TNKS: variants seen among roughly 807,000 people sequenced by gnomAD.
TNKS encodes poly [ADP-ribose] polymerase tankyrase-1.
TNKS carries 72 observed loss-of-function variants against 135.8 expected under a neutral mutation model. The ratio of observed to expected loss-of-function variants is 0.53; its 90% confidence interval spans 0.44 to 0.64. TNKS has a LOEUF of 0.64. Among genes scored for constraint, TNKS ranks in the 30% least tolerant of loss-of-function variants. The probability of loss-of-function intolerance (pLI) is 0.00; values close to 1 mark genes in which losing one functional copy is unlikely to be tolerated. For synonymous variants in TNKS, 849 were observed against 649.3 expected, an observed-to-expected ratio of 1.31 and a Z score of -4.68; for missense variants, 1,769 against 1,674.0, an observed-to-expected ratio of 1.06 and a Z score of -0.99.
At chr8:9,621,106 C>G (rs1393459540) in intron 3 of TNKS, among the ~76,000 whole-genome samples, 1 of 152,122 alleles carries the variant, frequency 6.6e-6, no homozygotes, top group Admixed American at 6.5e-5. Context: ...TTTTGAATTG[C>G]ATATAGTCCT....
At chr8:9,678,593 G>C (rs1471024371) in intron 3 of TNKS, among the ~76,000 whole-genome samples, 1 of 152,098 alleles carries the variant, frequency 6.6e-6, no homozygotes, top group African/African-American at 2.4e-5. Flanking sequence ...ATAGTTTTCA[G>C]ATTTTAACCT....
intron 12 of TNKS, among the ~76,000 whole-genome samples, chr8:9,723,972 A>C: frequency 6.6e-6 from 1 of 152,346 alleles, no homozygotes; most frequent in South Asian, 2.1e-4. Context: ...GAAATAAGCC[A>C]TTAAGACCTG....
intron 5 of TNKS, among the ~76,000 whole-genome samples, chr8:9,691,881 A>G (rs1307810530): frequency 2.0e-5 from 3 of 152,188 alleles, no homozygotes; most frequent in Non-Finnish European, 4.4e-5. Context: ...GTACAGATTG[A>G]AGATCTTTTA....
Position 9,710,184 on chromosome 8 carries a change from T to G in TNKS, c.1713T>G (p.Asn571Lys). The G allele has an allele frequency of 6.2e-7, 1 of 1,614,254 alleles. No individual in the cohort carries two copies. The highest frequency in any genetic ancestry group is 8.5e-7 in the Non-Finnish European group (1 of 1,180,040). Residue 571 changes from asparagine (N) to lysine (K), a missense_variant, in exon 11 of 27, where the codon AAT becomes AAG. Coordinates refer to ENST00000310430, the MANE Select transcript of TNKS (RefSeq NM_003747.3). ...PLHVAAERAH[N>K]DVMEVLHKHG... ...ATGTTGCAGCCGAAAGAGCCCATAA[T>G]GATGTCATGGAAGTTCTGCATAAGC...
At chr8:9,721,879 C>T (rs1214858818) in intron 12 of TNKS, among the ~76,000 whole-genome samples, 1 of 151,838 alleles carries the variant, frequency 6.6e-6, no homozygotes, top group Non-Finnish European at 1.5e-5. Flanking sequence ...TGGTGAAACC[C>T]CCATCTCTAC....
intron 5 of TNKS, among the ~76,000 whole-genome samples, chr8:9,695,534 T>G (rs2128803504): frequency 1.3e-5 from 2 of 152,218 alleles, no homozygotes; most frequent in Admixed American, 1.3e-4. Context: ...TTTAAACACT[T>G]CAGTTTCTTC....
At position 9,558,361 on chromosome 8, in the gene TNKS, G is replaced by A. The variant is rs1469430236; in HGVS notation, c.673+1749G>A. On this transcript the variant is annotated intron_variant, in intron 1 of 26. Transcript: ENST00000310430. ...GAAACAGACTTTTGCCTATTTGTTT[G>A]CTCAAGGGTCTTGCTTGTTTTAGAT... 2.0e-5 allele frequency: 3 copies of A among 152,098 alleles called. No homozygotes were observed. The East Asian group carries it at 5.8e-4, about 29-fold the overall frequency. 9.4% of individuals were successfully genotyped at this position (152,098 alleles called of 1,614,324 possible). A position where few individuals can be genotyped will look rare whatever the true frequency, so the allele number is the denominator to read the frequency against.
Position 9,781,286 on chromosome 8 carries a change from G to A in TNKS, c.*4550G>A. 1 of 152,188 alleles carries A rather than the reference G, an allele frequency of 6.6e-6. No individual in the cohort carries two copies. Among genetic ancestry groups the A allele is most frequent in the Middle Eastern group, 3.2e-3 (1 of 316 alleles). 9.4% of individuals were successfully genotyped at this position (152,188 alleles called of 1,614,324 possible). On this transcript the variant is annotated 3_prime_UTR_variant, in exon 27 of 27. Transcript: ENST00000310430. ...CGTTCCAGAATTCAGATTGTTCTGT[G>A]ATTTCTTTTACATCAGTCTACCCAT...
intron 3 of TNKS, among the ~76,000 whole-genome samples, chr8:9,650,810 T>G (rs1317717531): frequency 6.6e-6 from 1 of 152,164 alleles, no homozygotes; most frequent in Non-Finnish European, 1.5e-5. Context: ...TGCAGAAGAT[T>G]TTTAGTTTAA....
chr8:9,709,861 A>G, intron 9 of TNKS, 94 bp from the exon 10 acceptor site: 1 of 872,444 alleles, frequency 1.1e-6, no homozygotes, highest in South Asian at 1.5e-5. Flanking sequence ...CTGAGATAAC[A>G]ATGTTTTAAA....
chr8:9,766,966 G>A (rs1306685287), intron 25 of TNKS, among the ~76,000 whole-genome samples: 1 of 152,152 alleles, frequency 6.6e-6, no homozygotes, highest in Non-Finnish European at 1.5e-5. Context: ...CACGGGTTAT[G>A]ATAAAACTCC....
chr8:9,744,590 T>G (rs1806140200), intron 17 of TNKS, among the ~76,000 whole-genome samples: 1 of 152,230 alleles, frequency 6.6e-6, no homozygotes, highest in Admixed American at 6.5e-5. Context: ...AATTGTCTGT[T>G]TCTCCTGGAA....
In TNKS at chr8:9,734,978, T is replaced by C. The variant is rs2128819399; in HGVS notation, c.2427T>C (p.Asp809=). 6.2e-7 allele frequency: 1 copy of C among 1,614,194 alleles called. No homozygotes were observed. Among genetic ancestry groups the C allele is most frequent in the South Asian group, 1.1e-5 (1 of 91,090 alleles). ...TGAGAGGGGATGCTGCTTTGTTGGA[T>C]GCTGCCAAGAAGGGCTGCCTGGCAA... ...DLLRGDAALL[D]AAKKGCLARV... The change falls in exon 16 of 27, where the codon GAT becomes GAC. Residue 809 remains aspartate, a synonymous_variant. Transcript: ENST00000310430.
At chr8:9,615,122 G>T (rs995103021) in intron 2 of TNKS, among the ~76,000 whole-genome samples, 25 of 152,118 alleles carry the variant, frequency 1.6e-4, no homozygotes, top group African/African-American at 5.6e-4. Context: ...TGCAAGTGGT[G>T]AGCCACTAAA....
chr8:9,656,351 C>G (rs543401995), intron 3 of TNKS, among the ~76,000 whole-genome samples: 2 of 152,268 alleles, frequency 1.3e-5, no homozygotes, highest in African/African-American at 4.8e-5. Flanking sequence ...CCAAACCTAG[C>G]AAGGCAGGCC....
At chr8:9,597,375 C>T (rs939985329) in intron 2 of TNKS, among the ~76,000 whole-genome samples, 2 of 152,216 alleles carry the variant, frequency 1.3e-5, no homozygotes, top group African/African-American at 4.8e-5. Flanking sequence ...AGCGGACACT[C>T]AATCAAAGCT....
chr8:9,744,084 G>A (rs942272221), intron 17 of TNKS, among the ~76,000 whole-genome samples: 5 of 152,070 alleles, frequency 3.3e-5, no homozygotes, highest in African/African-American at 1.2e-4. Context: ...AAGAACCTCA[G>A]TTTTTCCAAA....
intron 3 of TNKS, among the ~76,000 whole-genome samples, chr8:9,642,284 T>G (rs1399908268): frequency 6.8e-6 from 1 of 146,608 alleles, no homozygotes; most frequent in Non-Finnish European, 1.5e-5. Context: ...AGAAATTATG[T>G]AAAGAGAGAA....
intron 17 of TNKS, among the ~76,000 whole-genome samples, chr8:9,742,996 C>G (rs1421601604): frequency 1.3e-5 from 2 of 152,068 alleles, no homozygotes; most frequent in East Asian, 3.9e-4. Flanking sequence ...TTTATTCATT[C>G]TATCCTGCCT....
Sources: gnomAD v4.1 joint callset for allele counts (sites outside exome capture counted in the v4.1 genomes callset) on GRCh38, gnomAD v4.1.1 for gene constraint, MANE v1.5 for transcripts, NCBI Gene and HGNC (gene_info 2026-07-23, HGNC 2026-07-21) for gene names.